The following PDE4D variants were observed in gnomAD, a reference collection of about 807,000 sequenced individuals.
PDE4D encodes 3',5'-cyclic-AMP phosphodiesterase 4D.
Under a neutral mutation model 87.4 loss-of-function variants are expected in PDE4D, and 24 were observed. The observed-to-expected ratio is 0.27, with a 90% confidence interval of 0.20 to 0.39. PDE4D has a LOEUF of 0.39. Ranked by LOEUF, PDE4D falls within the 10% of genes least tolerant of loss-of-function variation. The pLI, the probability that PDE4D is intolerant of heterozygous loss-of-function variation, is 1.00. For missense variants in PDE4D, 714 were observed against 1,041.0 expected, an observed-to-expected ratio of 0.69 and a Z score of 4.32; for synonymous variants, 384 against 383.2, an observed-to-expected ratio of 1.00 and a Z score of -0.02.
At chr5:60,268,669 A>G (rs1750497926) in intron 1 of PDE4D, among the ~76,000 whole-genome samples, 1 of 152,228 alleles carries the variant, frequency 6.6e-6, no homozygotes, top group Non-Finnish European at 1.5e-5. Context: ...CTTAAATGAG[A>G]GCATTGTGCT....
intron 1 of PDE4D, among the ~76,000 whole-genome samples, chr5:60,324,543 C>T (rs546414261): frequency 8.5e-5 from 13 of 152,296 alleles, no homozygotes; most frequent in South Asian, 2.1e-4. Context: ...GAGGCTGAGG[C>T]GGGAGAATCA....
At chr5:59,248,443 T>A (rs897644319) in intron 1 of PDE4D, among the ~76,000 whole-genome samples, 1 of 151,864 alleles carries the variant, frequency 6.6e-6, no homozygotes, top group Non-Finnish European at 1.5e-5. Flanking sequence ...CTCTGCTTCA[T>A]CCCAGTGAAA....
At chr5:59,428,249 GTT>G (rs1795603988) in intron 1 of PDE4D, among the ~76,000 whole-genome samples, 1 of 152,096 alleles carries the variant, frequency 6.6e-6, no homozygotes, top group Non-Finnish European at 1.5e-5. Context: ...ATCGAGCTAT[GTT>G]TTGCACTTAT....
chr5:59,521,613 T>C (rs1376882515), intron 1 of PDE4D, among the ~76,000 whole-genome samples: 1 of 151,954 alleles, frequency 6.6e-6, no homozygotes, highest in Non-Finnish European at 1.5e-5. Flanking sequence ...GCAAATCTTA[T>C]ATTATCTGTT....
chr5:59,731,257 C>T (rs929119850), intron 1 of PDE4D, among the ~76,000 whole-genome samples: 1 of 152,018 alleles, frequency 6.6e-6, no homozygotes, highest in East Asian at 1.9e-4. Context: ...CCTTGTTTCC[C>T]TGATACAGAC....
chr5:58,991,384 C>T (rs1441107112), intron 8 of PDE4D, among the ~76,000 whole-genome samples: 1 of 152,166 alleles, frequency 6.6e-6, no homozygotes, highest in African/African-American at 2.4e-5. Flanking sequence ...AACAGACACA[C>T]CATGTAAGCA....
chr5:59,277,267 A>G lies in PDE4D; in HGVS notation c.456-61299T>C, dbSNP rs183964642. Among the ~76,000 whole-genome samples the G allele has an allele frequency of 1.2e-3, 184 of 152,252 alleles. 1 individual carries two copies. The highest frequency in any genetic ancestry group is 4.0e-3 in the African/African-American group (165 of 41,558). On this transcript the variant is annotated intron_variant, in intron 1 of 14. Coordinates refer to ENST00000340635, the MANE Select transcript of PDE4D (RefSeq NM_001104631.2). ...GCATTTGTGACTTAGTCTTCTTTCAATGACTCTCAGGCCTCTTACGGTAAA... is the reference window on the plus strand; with the variant it reads ...GCATTTGTGACTTAGTCTTCTTTCAGTGACTCTCAGGCCTCTTACGGTAAA...
At position 59,329,045 on chromosome 5, in the gene PDE4D, T is replaced by C. The variant is rs1776239326; in HGVS notation, c.456-113077A>G. On this transcript the variant is annotated intron_variant, in intron 1 of 14. Transcript: ENST00000340635. ...AGTATGTGGATCACCGACTGCATCC[T>C]CCTTGCAAGAAGGCCATTTTGGATG... Among the ~76,000 whole-genome samples the C allele has an allele frequency of 2.6e-5, 4 of 152,176 alleles. No homozygotes were observed. In the South Asian group the frequency reaches 8.3e-4, roughly 32 times the overall value.
intron 1 of PDE4D, among the ~76,000 whole-genome samples, chr5:59,600,628 G>T (rs999779646): frequency 6.6e-6 from 1 of 152,112 alleles, no homozygotes; most frequent in African/African-American, 2.4e-5. Flanking sequence ...CACACAAGGG[G>T]ATGTCTCAGT....
At chr5:59,185,031 T>C (rs766462428) in intron 4 of PDE4D, among the ~76,000 whole-genome samples, 158 bp downstream of exon 4, 8 of 152,188 alleles carry the variant, frequency 5.3e-5, no homozygotes, top group Non-Finnish European at 1.2e-4. Flanking sequence ...CACCACGAAG[T>C]ATTTATAGAA....
intron 1 of PDE4D, among the ~76,000 whole-genome samples, chr5:60,198,258 T>C (rs961220744): frequency 6.6e-6 from 1 of 151,582 alleles, no homozygotes. Flanking sequence ...TTTTAATTCC[T>C]TTGTTCTTAA....
intron 5 of PDE4D, among the ~76,000 whole-genome samples, chr5:59,151,151 G>A (rs1252638547): frequency 6.6e-6 from 1 of 152,114 alleles, no homozygotes; most frequent in Non-Finnish European, 1.5e-5. Flanking sequence ...ATCCAGTGAG[G>A]ATATTGTCAT....
chr5:60,048,979 T>C (rs1769712323), intron 2 of PDE4D, among the ~76,000 whole-genome samples: 1 of 152,200 alleles, frequency 6.6e-6, no homozygotes, highest in Admixed American at 6.5e-5. Flanking sequence ...TTGGTCCCAT[T>C]CTCCCCGTCA....
intron 1 of PDE4D, among the ~76,000 whole-genome samples, chr5:59,534,488 G>C (rs1439455464): frequency 6.6e-6 from 1 of 152,210 alleles, no homozygotes; most frequent in African/African-American, 2.4e-5. Context: ...ACCAAGGGCA[G>C]GGTCCGAGAT....
chr5:59,710,290 C>T (rs1033214841), intron 1 of PDE4D, among the ~76,000 whole-genome samples: 5 of 152,090 alleles, frequency 3.3e-5, no homozygotes, highest in Non-Finnish European at 7.4e-5. Context: ...CTGTACTTAG[C>T]ATGAGAGGCA....
At chr5:59,659,396 T>C (rs1744879438) in intron 1 of PDE4D, among the ~76,000 whole-genome samples, 1 of 152,134 alleles carries the variant, frequency 6.6e-6, no homozygotes, top group African/African-American at 2.4e-5. Context: ...AGGAACTGAG[T>C]GTTAGTAAAG....
intron 1 of PDE4D, among the ~76,000 whole-genome samples, chr5:60,511,455 G>T (rs534214282): frequency 6.6e-6 from 1 of 151,226 alleles, no homozygotes; most frequent in South Asian, 2.1e-4. Context: ...TCTCCTACTG[G>T]AATATTATTT....
At chr5:59,249,096 T>C (rs1759427106) in intron 1 of PDE4D, among the ~76,000 whole-genome samples, 2 of 152,050 alleles carry the variant, frequency 1.3e-5, no homozygotes, top group Admixed American at 1.3e-4. Flanking sequence ...GGTTCATCTA[T>C]CTAATACATA....
At chr5:59,657,388 G>T (rs1231824318) in intron 1 of PDE4D, among the ~76,000 whole-genome samples, 6 of 151,984 alleles carry the variant, frequency 3.9e-5, no homozygotes, top group Non-Finnish European at 4.4e-5. Context: ...CCAATAAGTA[G>T]ATTTTTTTCA....
Sources: gnomAD v4.1 joint callset for allele counts (sites outside exome capture counted in the v4.1 genomes callset) on GRCh38, gnomAD v4.1.1 for gene constraint, MANE v1.5 for transcripts, NCBI Gene and HGNC (gene_info 2026-07-23, HGNC 2026-07-21) for gene names.